DAPP1: variants seen among roughly 807,000 people sequenced by gnomAD.
DAPP1 encodes the protein dual adaptor of phosphotyrosine and 3-phosphoinositides 1.
A neutral mutation model predicts 41.5 loss-of-function variants in DAPP1; 20 were observed. The observed-to-expected ratio is 0.48, with a 90% CI of 0.34 to 0.70. DAPP1 has a LOEUF of 0.70. Ranked by LOEUF, DAPP1 falls within the 30% of genes least tolerant of loss-of-function variation. The pLI is 0.01. For synonymous variants in DAPP1, 113 were observed against 116.2 expected, an observed-to-expected ratio of 0.97 and a Z score of 0.18; for missense variants, 233 against 333.4, an observed-to-expected ratio of 0.70 and a Z score of 2.35.
chr4:99,867,824 T>C (rs949833985), intron 8 of DAPP1, among the ~76,000 whole-genome samples: 5 of 152,212 alleles, frequency 3.3e-5, no homozygotes, highest in Non-Finnish European at 7.3e-5. Context: ...ATCTATATCT[T>C]CCTTTTAACT....
intron 3 of DAPP1, among the ~76,000 whole-genome samples, chr4:99,842,738 C>T (rs79454734): frequency 0.038 from 5,797 of 152,280 alleles, 102 homozygotes; most frequent in African/African-American, 0.056. Context: ...TAAAAATAGG[C>T]CTTTTCTTCT....
At chr4:99,817,534 T>G (rs1722628998) in intron 1 of DAPP1, among the ~76,000 whole-genome samples, 1 of 152,164 alleles carries the variant, frequency 6.6e-6, no homozygotes. Context: ...GATACTGCAT[T>G]TGTGAGATTT....
rs1724400995 is a variant in DAPP1 at position 99,865,795 on chromosome 4, G to C, written c.687-239G>C. Reference sequence around the variant, plus strand: ...CTACAACTTCCTTAACATTTCTGCAGTTTGCTGGCAGGAGTAGGTGCATAT... The same window carrying C: ...CTACAACTTCCTTAACATTTCTGCACTTTGCTGGCAGGAGTAGGTGCATAT... On this transcript the variant is annotated intron_variant, in intron 7 of 8. Transcript: ENST00000512369. The C allele has an allele frequency of 2.7e-5, 4 of 150,152 alleles. No individual in the cohort carries two copies. In the South Asian group the frequency reaches 8.4e-4, roughly 31 times the overall value. The allele number at this position is 150,152 out of a possible 1,614,324, so 9.3% of individuals were successfully genotyped here.
rs917887492 is a variant in DAPP1, at chr4:99,847,828, G to GTTTGTTTT, written c.359-5387_359-5386insGTTTTTTT. Among the ~76,000 whole-genome samples, 26 of 146,820 alleles carry GTTTGTTTT rather than the reference G, an allele frequency of 1.8e-4. No individual in the cohort carries two copies. The South Asian group carries it at 2.5e-3, about 14-fold the overall frequency. ...TGTTTGTTTGTTTGTTTGTTTGTTT[G>GTTTGTTTT]TTTTGAGACAGAGTCTCACTCTGTT... On this transcript the variant is annotated intron_variant, in intron 3 of 8. Coordinates refer to ENST00000512369, the MANE Select transcript of DAPP1 (RefSeq NM_014395.3).
At chr4:99,862,878 T>G in intron 5 of DAPP1, 132 bp from the exon 6 acceptor site, 1 of 583,072 alleles carries the variant, frequency 1.7e-6, no homozygotes, top group African/African-American at 2.0e-5. Context: ...ACAAAAGAAT[T>G]TTTTCAGGGT....
At position 99,866,111 on chromosome 4, in the gene DAPP1, G is replaced by T; in HGVS notation, c.764G>T (p.Arg255Leu). The T allele has an allele frequency of 6.3e-7, 1 of 1,590,942 alleles. No individual in the cohort carries two copies. The highest frequency in any genetic ancestry group is 8.6e-7 in the Non-Finnish European group (1 of 1,163,098). The change falls in exon 8 of 9, where the codon CGC (arginine) becomes CTC (leucine). Residue 255 changes from arginine (R) to leucine (L), a missense_variant. Coordinates refer to ENST00000512369, the MANE Select transcript of DAPP1 (RefSeq NM_014395.3). ...GCTGATGAGTGGATCAAGATATTACGCTGGAAATTGGTGAGAATTTTTAAG... is the reference window on the plus strand; with the variant it reads ...GCTGATGAGTGGATCAAGATATTACTCTGGAAATTGGTGAGAATTTTTAAG... Reference protein sequence around the residue: ...VEADEWIKILRWKLSQIRKQL... With the variant: ...VEADEWIKILLWKLSQIRKQL...
downstream of DAPP1, among the ~76,000 whole-genome samples, chr4:99,870,507 C>T (rs757961992): frequency 6.6e-5 from 10 of 152,092 alleles, no homozygotes; most frequent in Non-Finnish European, 1.3e-4. Flanking sequence ...CATGTACCTG[C>T]TATGTAACTA....
intron 6 of DAPP1, 106 bp downstream of exon 6, chr4:99,863,178 C>A (rs1322179919): frequency 3.0e-6 from 2 of 663,664 alleles, no homozygotes; most frequent in Non-Finnish European, 5.0e-6. Flanking sequence ...ACCTGAAATA[C>A]CTAATAAATG....
intron 6 of DAPP1, among the ~76,000 whole-genome samples, chr4:99,863,392 T>C (rs1277033136): frequency 6.6e-6 from 1 of 152,180 alleles, no homozygotes; most frequent in Non-Finnish European, 1.5e-5. Context: ...TTATTAAAAA[T>C]ACAGTTTCTC....
At chr4:99,854,926 C>T (rs771608579) in intron 4 of DAPP1, among the ~76,000 whole-genome samples, 2 of 152,236 alleles carry the variant, frequency 1.3e-5, no homozygotes, top group African/African-American at 2.4e-5. Context: ...ATTGCTTGTC[C>T]TTGCAGCTTT....
At chr4:99,832,301 T>A (rs1483405614) in intron 1 of DAPP1, among the ~76,000 whole-genome samples, 1 of 152,236 alleles carries the variant, frequency 6.6e-6, no homozygotes, top group Non-Finnish European at 1.5e-5. Flanking sequence ...TCTTGAATCA[T>A]CCTTATCAAA....
intron 1 of DAPP1, among the ~76,000 whole-genome samples, chr4:99,827,591 G>A (rs1722981559): frequency 6.6e-6 from 1 of 151,694 alleles, no homozygotes. Context: ...AAGTGCAGAT[G>A]AAGGAAATGA....
At chr4:99,832,755 C>T (rs781472709) in intron 1 of DAPP1, among the ~76,000 whole-genome samples, 3 of 152,152 alleles carry the variant, frequency 2.0e-5, no homozygotes, top group Non-Finnish European at 2.9e-5. Flanking sequence ...TATAATTAGA[C>T]GTCAAAAGAA....
intron 3 of DAPP1, among the ~76,000 whole-genome samples, chr4:99,845,273 T>C (rs867351793): frequency 6.6e-6 from 1 of 152,126 alleles, no homozygotes; most frequent in African/African-American, 2.4e-5. Context: ...ATGCTTTCCA[T>C]GCACCTTGCT....
chr4:99,871,321 G>A (rs1297009941), downstream of DAPP1, among the ~76,000 whole-genome samples: 1 of 152,150 alleles, frequency 6.6e-6, no homozygotes, highest in Admixed American at 6.5e-5. Context: ...GCCAGGCTGA[G>A]CCTACGGTCT....
intron 3 of DAPP1, 26 bp from the exon 4 acceptor site, chr4:99,853,192 A>T (rs779751999): frequency 2.6e-5 from 42 of 1,613,242 alleles, no homozygotes; most frequent in Non-Finnish European, 3.1e-5. Flanking sequence ...ACACTGTTCG[A>T]TTATATATTT....
chr4:99,856,256 C>T (rs1444574367), intron 4 of DAPP1, among the ~76,000 whole-genome samples: 1 of 151,966 alleles, frequency 6.6e-6, no homozygotes, highest in Non-Finnish European at 1.5e-5. Flanking sequence ...GACAGTAATA[C>T]ATCATGAAAA....
intron 4 of DAPP1, among the ~76,000 whole-genome samples, chr4:99,859,277 T>C (rs1177964655): frequency 6.6e-6 from 1 of 152,100 alleles, no homozygotes; most frequent in African/African-American, 2.4e-5. Flanking sequence ...TCCAGACTTA[T>C]CTTGTTCTTT....
At chr4:99,863,705 G>A in intron 6 of DAPP1, 65 bp from the exon 7 acceptor site, 7 of 1,042,208 alleles carry the variant, frequency 6.7e-6, no homozygotes. Context: ...ATAAGTGAGG[G>A]ACAGATTTGT....
Sources: gnomAD v4.1 joint callset for allele counts (sites outside exome capture counted in the v4.1 genomes callset) on GRCh38, gnomAD v4.1.1 for gene constraint, MANE v1.5 for transcripts, NCBI Gene and HGNC (gene_info 2026-07-23, HGNC 2026-07-21) for gene names.